The following STK33 variants were observed in gnomAD, a reference collection of about 807,000 sequenced individuals.
STK33 encodes the protein serine/threonine-protein kinase 33.
A neutral mutation model predicts 58.0 loss-of-function variants in STK33; 52 were observed. The ratio of observed to expected loss-of-function variants is 0.90; its 90% CI spans 0.72 to 1.13. STK33 has a LOEUF of 1.13. Among genes scored for constraint, STK33 ranks in the 50% most tolerant of loss-of-function variants. The probability of loss-of-function intolerance (pLI) is 0.00; values close to 1 mark genes in which losing one functional copy is unlikely to be tolerated. For missense variants in STK33, 630 were observed against 604.2 expected (o/e 1.04, Z -0.45); for synonymous variants, 215 against 200.1 (o/e 1.07, Z -0.63).
chr11:8,468,405 G>C (rs184902718), intron 6 of STK33, among the ~76,000 whole-genome samples: 7 of 152,164 alleles, frequency 4.6e-5, no homozygotes, highest in Non-Finnish European at 8.8e-5. Context: ...TTAGAGGCTT[G>C]TCTTCGTATT....
At chr11:8,517,674 T>A (rs773433002) in intron 1 of STK33, among the ~76,000 whole-genome samples, 4 of 152,076 alleles carry the variant, frequency 2.6e-5, no homozygotes, top group African/African-American at 7.2e-5. Flanking sequence ...AATCACAGCA[T>A]GAGAACTACG....
intron 1 of STK33, among the ~76,000 whole-genome samples, chr11:8,567,557 G>A (rs1957533912): frequency 6.6e-6 from 1 of 152,178 alleles, no homozygotes; most frequent in African/African-American, 2.4e-5. Flanking sequence ...CACCAATACA[G>A]CTATTCCTCC....
At chr11:8,449,999 T>G (rs1946070937) in intron 11 of STK33, among the ~76,000 whole-genome samples, 2 of 152,186 alleles carry the variant, frequency 1.3e-5, no homozygotes, top group South Asian at 4.1e-4. Flanking sequence ...GTGTGGTGAT[T>G]CCTCAAGGAT....
the STK33 span, among the ~76,000 whole-genome samples, chr11:8,358,681 C>T: frequency 2.6e-5 from 4 of 152,046 alleles, no homozygotes; most frequent in African/African-American, 9.7e-5. Context: ...CTCCCACTGG[C>T]CAAATCTGGG....
intron 1 of STK33, among the ~76,000 whole-genome samples, chr11:8,522,345 A>G (rs1953536066): frequency 6.6e-6 from 1 of 152,174 alleles, no homozygotes. Flanking sequence ...GAAGCTAGAA[A>G]CCATGATTCT....
chr11:8,519,073 T>C (rs553024831), intron 1 of STK33, among the ~76,000 whole-genome samples: 2 of 152,226 alleles, frequency 1.3e-5, no homozygotes, highest in East Asian at 1.9e-4. Context: ...TATTCCAAAA[T>C]TGACCACATA....
At chr11:8,519,264 G>A (rs1953141732) in intron 1 of STK33, among the ~76,000 whole-genome samples, 1 of 152,122 alleles carries the variant, frequency 6.6e-6, no homozygotes, top group Non-Finnish European at 1.5e-5. Flanking sequence ...CGAAATGAAG[G>A]CAGAAATAAA....
intron 1 of STK33, among the ~76,000 whole-genome samples, chr11:8,520,571 A>T (rs867145066): frequency 5.3e-5 from 8 of 152,330 alleles, no homozygotes; most frequent in African/African-American, 1.2e-4. Flanking sequence ...TTTGCAGATG[A>T]CATGATTGTA....
chr11:8,390,822 A>G (rs145687030), downstream of STK33, among the ~76,000 whole-genome samples: 4 of 152,180 alleles, frequency 2.6e-5, no homozygotes, highest in African/African-American at 4.8e-5. Context: ...CAGAATCGCT[A>G]ATTTTTAGGG....
At chr11:8,371,907 A>G in the STK33 span, among the ~76,000 whole-genome samples, 1 of 135,476 alleles carries the variant, frequency 7.4e-6, no homozygotes, top group African/African-American at 2.8e-5. Flanking sequence ...TTTTTTTGAG[A>G]CTGGGTCTCA....
chr11:8,586,216 C>T (rs1198393998), intron 1 of STK33, among the ~76,000 whole-genome samples: 3 of 101,866 alleles, frequency 2.9e-5, no homozygotes, highest in African/African-American at 4.5e-5. Context: ...GATCCTATCT[C>T]GGAAAAAAAA....
At chr11:8,381,920 T>C in the STK33 span, among the ~76,000 whole-genome samples, 1 of 152,044 alleles carries the variant, frequency 6.6e-6, no homozygotes, top group South Asian at 2.1e-4. Context: ...CATGTCAGGA[T>C]TACCTGGGGA....
At chr11:8,518,324 A>G (rs1953018288) in intron 1 of STK33, among the ~76,000 whole-genome samples, 1 of 152,220 alleles carries the variant, frequency 6.6e-6, no homozygotes, top group Non-Finnish European at 1.5e-5. Flanking sequence ...CCTGCCTTAC[A>G]AGAGCTCCCG....
At chr11:8,412,374 G>A (rs1233302498) in intron 15 of STK33, among the ~76,000 whole-genome samples, 2 of 152,092 alleles carry the variant, frequency 1.3e-5, no homozygotes, top group Non-Finnish European at 2.9e-5. Context: ...TCTACATTAT[G>A]GTAAAAATAT....
chr11:8,383,248 C>G, the STK33 span, among the ~76,000 whole-genome samples: 1 of 152,192 alleles, frequency 6.6e-6, no homozygotes, highest in Non-Finnish European at 1.5e-5. Context: ...AGAAGGCACA[C>G]AGGGCTGTGG....
At chr11:8,339,732 C>T in the STK33 span, among the ~76,000 whole-genome samples, 1 of 152,228 alleles carries the variant, frequency 6.6e-6, no homozygotes, top group Admixed American at 6.5e-5. Flanking sequence ...TGTCACCTGG[C>T]CGTGGTCGCC....
intron 1 of STK33, among the ~76,000 whole-genome samples, chr11:8,508,061 T>G (rs1456412657): frequency 6.6e-6 from 1 of 152,020 alleles, no homozygotes; most frequent in African/African-American, 2.4e-5. Flanking sequence ...CAGCTAATTT[T>G]TGTATTTTTA....
At chr11:8,373,781 C>T in the STK33 span, among the ~76,000 whole-genome samples, 1 of 152,136 alleles carries the variant, frequency 6.6e-6, no homozygotes, top group Non-Finnish European at 1.5e-5. Context: ...TGAGTGTGAG[C>T]TGGAAAAATG....
At chr11:8,420,982 GA>G (rs962412279) in intron 14 of STK33, among the ~76,000 whole-genome samples, 72 of 131,976 alleles carry the variant, frequency 5.5e-4, no homozygotes, top group Middle Eastern at 3.9e-3. Context: ...GGCCCTGTCT[GA>G]AAAAAAAAAA....
Sources: allele counts gnomAD v4.1 joint callset (sites outside exome capture counted in the v4.1 genomes callset), GRCh38; gene constraint gnomAD v4.1.1; transcripts MANE v1.5; gene names NCBI Gene and HGNC (gene_info 2026-07-23, HGNC 2026-07-21).